The following RBFOX1 variants were observed in gnomAD, a reference collection of about 807,000 sequenced individuals.
The protein encoded by RBFOX1 is RNA binding fox-1 homolog 1.
RBFOX1 carries 8 observed loss-of-function variants against 57.7 expected under a neutral mutation model. The ratio of observed to expected loss-of-function variants is 0.14; its 90% CI spans 0.08 to 0.25. The LOEUF is 0.25. RBFOX1 is among the 10% of genes least tolerant of loss of function. The probability of loss-of-function intolerance (pLI) is 1.00; values close to 1 mark genes in which losing one functional copy is unlikely to be tolerated. For missense variants in RBFOX1, 611 were observed against 548.5 expected (o/e 1.11, Z -1.14); for synonymous variants, 326 against 222.4 (o/e 1.47, Z -4.15).
At chr16:6,403,723 A>G (rs529560039) in intron 2 of RBFOX1, among the ~76,000 whole-genome samples, 1 of 152,242 alleles carries the variant, frequency 6.6e-6, no homozygotes, top group Middle Eastern at 3.4e-3. Flanking sequence ...TGGAGAGGAC[A>G]CCGAAGGACT....
chr16:6,007,165 C>G (rs1364922206), intron 4 of RBFOX1, among the ~76,000 whole-genome samples: 2 of 152,190 alleles, frequency 1.3e-5, no homozygotes, highest in South Asian at 2.1e-4. Context: ...TCTGTGTAAT[C>G]TCCCTTTCAG....
At chr16:7,392,235 T>C (rs2098042371) in intron 4 of RBFOX1, among the ~76,000 whole-genome samples, 1 of 152,156 alleles carries the variant, frequency 6.6e-6, no homozygotes, top group South Asian at 2.1e-4. Context: ...ATGGAAGCCC[T>C]CCCTCCCTGA....
At chr16:6,214,652 A>G (rs1567694711) in intron 1 of RBFOX1, among the ~76,000 whole-genome samples, 1 of 104,072 alleles carries the variant, frequency 9.6e-6, no homozygotes, top group African/African-American at 3.8e-5. Context: ...AGGGACAGGG[A>G]GAGAGGGAGA....
chr16:6,844,993 T>G (rs1239802062), intron 3 of RBFOX1, among the ~76,000 whole-genome samples: 4 of 152,206 alleles, frequency 2.6e-5, no homozygotes, highest in Admixed American at 1.3e-4. Flanking sequence ...TTTTGAGAAT[T>G]GTCTGTTTAT....
chr16:6,338,297 A>G (rs1042664171), intron 2 of RBFOX1, among the ~76,000 whole-genome samples: 2 of 152,190 alleles, frequency 1.3e-5, no homozygotes, highest in Non-Finnish European at 2.9e-5. Context: ...TTATATCAAG[A>G]TTACCTATTT....
At chr16:7,505,026 C>T (rs150664034) in intron 4 of RBFOX1, among the ~76,000 whole-genome samples, 4 of 150,746 alleles carry the variant, frequency 2.7e-5, no homozygotes, top group Non-Finnish European at 5.9e-5. Context: ...TTCAGTAATG[C>T]AGGGCAACGG....
intron 1 of RBFOX1, among the ~76,000 whole-genome samples, chr16:6,188,213 G>A (rs1283992099): frequency 6.6e-6 from 1 of 152,034 alleles, no homozygotes; most frequent in African/African-American, 2.4e-5. Flanking sequence ...TCAAACTGGC[G>A]TGATCCAAGG....
intron 3 of RBFOX1, among the ~76,000 whole-genome samples, chr16:6,689,933 G>T (rs889339706): frequency 6.6e-6 from 1 of 152,196 alleles, no homozygotes; most frequent in Non-Finnish European, 1.5e-5. Context: ...AATCAGCAAC[G>T]AAGAGGTGTA....
At chr16:5,383,881 A>G (rs2066192663) in intron 1 of RBFOX1, among the ~76,000 whole-genome samples, 2 of 152,330 alleles carry the variant, frequency 1.3e-5, no homozygotes, top group African/African-American at 2.4e-5. Flanking sequence ...CAATATGACT[A>G]CTTCAGGTAA....
At chr16:5,299,454 A>T (rs2063752455) in intron 1 of RBFOX1, among the ~76,000 whole-genome samples, 2 of 152,230 alleles carry the variant, frequency 1.3e-5, no homozygotes, top group South Asian at 4.1e-4. Flanking sequence ...AATGCTCAGG[A>T]GTAGAATTGC....
chr16:6,520,723 G>C lies in RBFOX1; in HGVS notation c.-63-133880G>C, dbSNP rs980365299. The stretch of plus-strand genomic sequence containing the variant: ...GCTTAGTTTGATCCAGACACCCTTA[G>C]AACCTCTAAGTGGCTTCGTTTCGAT... On this transcript the variant is annotated intron_variant, in intron 2 of 15. Transcript: ENST00000550418. 3.3e-5 allele frequency among the ~76,000 whole-genome samples: 5 copies of C among 152,276 alleles called. No individual in the cohort carries two copies. In the South Asian group the frequency reaches 6.2e-4, roughly 19 times the overall value.
chr16:6,028,341 C>T (rs1051109493), intron 1 of RBFOX1, among the ~76,000 whole-genome samples: 2 of 151,746 alleles, frequency 1.3e-5, no homozygotes, highest in African/African-American at 4.8e-5. Context: ...CAGTAGTTTC[C>T]TTGAGGGAGA....
chr16:5,629,960 C>A (rs1280402043), intron 3 of RBFOX1, among the ~76,000 whole-genome samples: 1 of 152,144 alleles, frequency 6.6e-6, no homozygotes, highest in Admixed American at 6.5e-5. Flanking sequence ...CAGGAGAGCT[C>A]CGTGCCTGGT....
chr16:6,733,448 T>C (rs1017339317), intron 3 of RBFOX1, among the ~76,000 whole-genome samples: 14 of 152,208 alleles, frequency 9.2e-5, no homozygotes, highest in African/African-American at 3.4e-4. Context: ...GAAAATTAAA[T>C]TAAAAAAGGT....
At chr16:6,550,470 C>T (rs947031611) in intron 2 of RBFOX1, among the ~76,000 whole-genome samples, 1 of 152,136 alleles carries the variant, frequency 6.6e-6, no homozygotes, top group East Asian at 1.9e-4. Flanking sequence ...GGATTATAGG[C>T]GTCTGCCACC....
chr16:5,474,875 G>A (rs1364435673), intron 2 of RBFOX1, among the ~76,000 whole-genome samples: 2 of 152,182 alleles, frequency 1.3e-5, no homozygotes, highest in African/African-American at 2.4e-5. Context: ...GACTCACAAA[G>A]GCTATTTATT....
intron 2 of RBFOX1, among the ~76,000 whole-genome samples, chr16:5,470,964 G>A (rs774652979): frequency 6.6e-6 from 1 of 152,130 alleles, no homozygotes; most frequent in African/African-American, 2.4e-5. Context: ...CGATTCTACT[G>A]CCTCAGCCTC....
At chr16:7,653,975 C>G in intron 12 of RBFOX1, 28 bp downstream of exon 12, 2 of 1,465,254 alleles carry the variant, frequency 1.4e-6, no homozygotes, top group South Asian at 1.4e-5. Context: ...CTGGGTGGGC[C>G]TCCCTGCACC....
chr16:7,028,678 C>T (rs1597415103), intron 3 of RBFOX1, among the ~76,000 whole-genome samples: 1 of 147,696 alleles, frequency 6.8e-6, no homozygotes, highest in East Asian at 2.0e-4. Flanking sequence ...GAAATGTTCC[C>T]AAAGGATATT....
Sources: gnomAD v4.1 joint callset for allele counts (sites outside exome capture counted in the v4.1 genomes callset) on GRCh38, gnomAD v4.1.1 for gene constraint, MANE v1.5 for transcripts, NCBI Gene and HGNC (gene_info 2026-07-23, HGNC 2026-07-21) for gene names.